Variants in EHD3 observed in about 807,000 individuals in gnomAD.
The protein encoded by EHD3 is EH domain containing 3.
A neutral mutation model predicts 43.0 loss-of-function variants in EHD3; 17 were observed. That is an observed-to-expected ratio of 0.40 (90% CI 0.27 to 0.59). The LOEUF (loss-of-function observed/expected upper bound fraction) is 0.59, where lower values mean the gene tolerates loss of function less well. EHD3 is among the 20% of genes least tolerant of loss of function. The pLI, the probability that EHD3 is intolerant of heterozygous loss-of-function variation, is 0.49. For synonymous variants in EHD3, 313 were observed against 289.5 expected (o/e 1.08, Z -0.82); for missense variants, 594 against 705.6 (o/e 0.84, Z 1.79).
chr2:31,237,285 T>C (rs1310851461), intron 1 of EHD3, among the ~76,000 whole-genome samples: 2 of 151,578 alleles, frequency 1.3e-5, no homozygotes, highest in Non-Finnish European at 2.9e-5. Flanking sequence ...AATTTACATA[T>C]AAAATATATT....
chr2:31,242,469 T>C (rs1356023437), intron 1 of EHD3, among the ~76,000 whole-genome samples: 1 of 152,210 alleles, frequency 6.6e-6, no homozygotes, highest in Admixed American at 6.5e-5. Flanking sequence ...AATCCCACCA[T>C]ATACTATTAC....
chr2:31,255,600 A>G (rs1030978569), intron 3 of EHD3, among the ~76,000 whole-genome samples: 1 of 152,168 alleles, frequency 6.6e-6, no homozygotes, highest in Non-Finnish European at 1.5e-5. Context: ...CTAGATCTGC[A>G]CCTAAGTCCA....
chr2:31,243,343 G>T (rs1445448791), intron 1 of EHD3, among the ~76,000 whole-genome samples: 2 of 151,598 alleles, frequency 1.3e-5, no homozygotes, highest in Non-Finnish European at 2.9e-5. Context: ...CATAGTACTT[G>T]TGTGCATGGG....
chr2:31,245,547 ATATATATT>A (rs1217464690), intron 2 of EHD3, among the ~76,000 whole-genome samples: 26 of 83,142 alleles, frequency 3.1e-4, no homozygotes, highest in Middle Eastern at 7.1e-3. Context: ...ATATATATAT[ATATATATT>A]TTTTTTTTTT....
In EHD3 at chr2:31,234,652, C is replaced by T. The variant is rs978570456; in HGVS notation, c.31C>T (p.Arg11Trp). Residue 11 changes from arginine to tryptophan, a missense_variant, in exon 1 of 6, where the codon CGG becomes TGG. Physicochemically the swap from Arg to Trp is moderately radical, Grantham distance 101 (BLOSUM62 -3). Around this residue, in one of 3 missense-constraint regions of EHD3, gnomAD observed 243 missense variants for 296.7 expected, o/e 0.82. Transcript: ENST00000322054. Reference protein sequence around the residue: MFSWLGTDDRRRKDPEVFQTV... With the variant: MFSWLGTDDRWRKDPEVFQTV... ...CAGCTGGCTGGGTACGGACGACCGC[C>T]GGAGGAAGGACCCCGAGGTTTTCCA... 3 of 1,613,974 alleles carry T rather than the reference C, an allele frequency of 1.9e-6. No homozygotes were observed. The African/African-American group carries it at 4.0e-5, about 22-fold the overall frequency.
chr2:31,261,777 G>T (rs1424087869), intron 5 of EHD3, 64 bp downstream of exon 5: 3 of 1,574,792 alleles, frequency 1.9e-6, no homozygotes, highest in African/African-American at 2.7e-5. Context: ...AGCAGCCTGA[G>T]TATGGAGGAG....
chr2:31,245,553 A>ATATATATATATATTTTTTTTTT (rs1446415610), intron 2 of EHD3, among the ~76,000 whole-genome samples: 1 of 35,072 alleles, frequency 2.9e-5, no homozygotes, highest in African/African-American at 9.0e-5. Context: ...ATATATATAT[A>ATATATATATATATTTTTTTTTT]TTTTTTTTTT....
At chr2:31,265,581 C>T (rs1439020395) in intron 5 of EHD3, among the ~76,000 whole-genome samples, 1 of 152,188 alleles carries the variant, frequency 6.6e-6, no homozygotes, top group African/African-American at 2.4e-5. Flanking sequence ...TTGGGGATGA[C>T]CTTTGGCTTC....
chr2:31,234,749 A>T lies in EHD3; in HGVS notation c.128A>T (p.His43Leu). The change falls in exon 1 of 6, where the codon CAC becomes CTC. Residue 43 changes from histidine to leucine, a missense_variant. This residue lies in a region of EHD3 where 243 missense variants were observed against 296.7 expected (regional missense o/e 0.82). Transcript: ENST00000322054. ...CCCTTGGAAGAGCATTACCGCTTCC[A>T]CGAGTTCCACTCGCCCGCCCTGGAG... ...LLPLEEHYRF[H>L]EFHSPALEDA... 1 of 1,614,202 alleles carries T rather than the reference A, an allele frequency of 6.2e-7. No individual in the cohort carries two copies. The highest frequency in any genetic ancestry group is 1.3e-5 in the African/African-American group (1 of 75,054).
intron 3 of EHD3, among the ~76,000 whole-genome samples, chr2:31,258,940 C>T (rs1343923445): frequency 6.6e-6 from 1 of 152,176 alleles, no homozygotes; most frequent in Non-Finnish European, 1.5e-5. Flanking sequence ...AGTCAGGACC[C>T]CTGTTAAAGA....
intron 5 of EHD3, among the ~76,000 whole-genome samples, chr2:31,264,517 A>G (rs1572474512): frequency 7.3e-6 from 1 of 136,830 alleles, no homozygotes; most frequent in Non-Finnish European, 1.6e-5. Context: ...ATAAATTAAC[A>G]TTTCTACTTT....
chr2:31,240,677 A>G (rs1007131402), intron 1 of EHD3, among the ~76,000 whole-genome samples: 1 of 152,184 alleles, frequency 6.6e-6, no homozygotes, highest in African/African-American at 2.4e-5. Context: ...GCCTTCACTC[A>G]TCTGCTGAGA....
At chr2:31,235,100 T>G (rs978644050) in intron 1 of EHD3, among the ~76,000 whole-genome samples, 1 of 152,138 alleles carries the variant, frequency 6.6e-6, no homozygotes, top group Non-Finnish European at 1.5e-5. Context: ...TATTCAAGTG[T>G]AAAGCCATTC....
chr2:31,234,494 G>T lies in EHD3; in HGVS notation c.-128G>T. ...TAGCCGCGTGCCCGGGCCATGGTGC[G>T]GCTGAGCCCCGCGCTTGGGTGAGGC... is the stretch of plus-strand genomic sequence containing the variant. On this transcript the variant is annotated 5_prime_UTR_variant, in exon 1 of 6. Transcript: ENST00000322054. The T allele has an allele frequency of 9.3e-7, 1 of 1,078,912 alleles. No homozygotes were observed. The highest frequency in any genetic ancestry group is 1.3e-6 in the Non-Finnish European group (1 of 754,254). The allele number at this position is 1,078,912 out of a possible 1,614,324, so 66.8% of individuals were successfully genotyped here. A position where few individuals can be genotyped will look rare whatever the true frequency, so the allele number is the denominator to read the frequency against.
chr2:31,262,454 GTGT>G (rs759630748), intron 5 of EHD3, among the ~76,000 whole-genome samples: 11 of 152,148 alleles, frequency 7.2e-5, no homozygotes, highest in Non-Finnish European at 1.5e-4. Flanking sequence ...CCTTATACAG[GTGT>G]TGTGAGCATC....
At chr2:31,249,548 G>A in intron 3 of EHD3, 80 bp downstream of exon 3, 1 of 1,271,022 alleles carries the variant, frequency 7.9e-7, no homozygotes, top group Non-Finnish European at 1.1e-6. Flanking sequence ...CAGAAGAGAA[G>A]CACCCAGGGC....
At chr2:31,251,267 T>C (rs1244744189) in intron 3 of EHD3, among the ~76,000 whole-genome samples, 1 of 152,130 alleles carries the variant, frequency 6.6e-6, no homozygotes, top group African/African-American at 2.4e-5. Flanking sequence ...GCTCGGCTCT[T>C]TGAGGCTACA....
At position 31,266,761 on chromosome 2, in the gene EHD3, T is replaced by TACCCAC. The variant is rs1683960647; in HGVS notation, c.*59_*60insCCACAC. On this transcript the variant is annotated 3_prime_UTR_variant, in exon 6 of 6. Coordinates refer to ENST00000322054, the MANE Select transcript of EHD3 (RefSeq NM_014600.3). This position sits in a 1 kb window ranked among gnomAD's most constrained non-coding sequence, Gnocchi z 5.1. ...TAGAGGAGGAGATGGGAGCGGTGAC[T>TACCCAC]ACACACACACACACACACACACACA... 1 of 1,086,042 alleles carries TACCCAC rather than the reference T, an allele frequency of 9.2e-7. No homozygotes were observed. The highest frequency in any genetic ancestry group is 1.7e-5 in the African/African-American group (1 of 59,946). 67.3% of individuals were successfully genotyped at this position (1,086,042 alleles called of 1,614,324 possible). A position where few individuals can be genotyped will look rare whatever the true frequency, so the allele number is the denominator to read the frequency against.
intron 5 of EHD3, among the ~76,000 whole-genome samples, chr2:31,264,744 A>G (rs1283973943): frequency 1.3e-5 from 2 of 151,828 alleles, no homozygotes; most frequent in Non-Finnish European, 2.9e-5. Context: ...CATGTTGGCC[A>G]GGATGGTCTC....
Sources: gnomAD v4.1 joint callset for allele counts (sites outside exome capture counted in the v4.1 genomes callset) on GRCh38, gnomAD v4.1.1 for gene constraint, gnomAD v4.1.1 regional missense constraint, Gnocchi (gnomAD v3.1) non-coding constraint, MANE v1.5 for transcripts, NCBI Gene and HGNC (gene_info 2026-07-23, HGNC 2026-07-21) for gene names.